CYB5R4: variants seen among roughly 807,000 people sequenced by gnomAD.
CYB5R4 encodes cytochrome b5 reductase 4.
In CYB5R4, 55 loss-of-function variants were observed where a neutral mutation model predicts 70.2. The ratio of observed to expected loss-of-function variants is 0.78; its 90% confidence interval spans 0.63 to 0.98. The LOEUF is 0.98. CYB5R4 is among the 50% of genes least tolerant of loss of function. The probability of loss-of-function intolerance (pLI) is 0.00; values close to 1 mark genes in which losing one functional copy is unlikely to be tolerated. For missense variants in CYB5R4, 562 were observed against 612.6 expected, an observed-to-expected ratio of 0.92 and a Z score of 0.87; for synonymous variants, 197 against 199.5, an observed-to-expected ratio of 0.99 and a Z score of 0.11.
intron 2 of CYB5R4, among the ~76,000 whole-genome samples, chr6:83,888,198 T>C (rs932655890): frequency 1.3e-5 from 2 of 152,152 alleles, no homozygotes; most frequent in Admixed American, 6.5e-5. Flanking sequence ...GGTTTCAAAA[T>C]TAGTTTCTAA....
chr6:83,931,789 T>TTATA (rs1256504810), intron 10 of CYB5R4, among the ~76,000 whole-genome samples: 2 of 119,928 alleles, frequency 1.7e-5, no homozygotes, highest in African/African-American at 7.9e-5. Flanking sequence ...TCTTTTTTGT[T>TTATA]TATATATATA....
chr6:83,887,749 C>T (rs971568925), intron 2 of CYB5R4, among the ~76,000 whole-genome samples: 6 of 72,402 alleles, frequency 8.3e-5, no homozygotes, highest in African/African-American at 3.2e-4. Context: ...ACAAAACACA[C>T]ACAAAAATAA....
At chr6:83,954,819 C>T (rs2099472080) in intron 14 of CYB5R4, among the ~76,000 whole-genome samples, 1 of 151,936 alleles carries the variant, frequency 6.6e-6, no homozygotes, top group African/African-American at 2.4e-5. Context: ...ATCAAACGAT[C>T]CTCCTGCCTC....
intron 2 of CYB5R4, among the ~76,000 whole-genome samples, chr6:83,885,451 T>C (rs566080075): frequency 1.3e-5 from 2 of 152,286 alleles, no homozygotes; most frequent in South Asian, 4.1e-4. Flanking sequence ...AATTATTAAT[T>C]AGTGGATGTG....
At chr6:83,873,678 A>G (rs552541648) in intron 2 of CYB5R4, among the ~76,000 whole-genome samples, 3 of 152,346 alleles carry the variant, frequency 2.0e-5, no homozygotes, top group Admixed American at 1.3e-4. Flanking sequence ...ATATTTCTCA[A>G]GGGTCTGCTA....
At chr6:83,884,994 C>T (rs996194741) in intron 2 of CYB5R4, among the ~76,000 whole-genome samples, 3 of 152,090 alleles carry the variant, frequency 2.0e-5, no homozygotes, top group Non-Finnish European at 4.4e-5. Context: ...AATATCTTTA[C>T]TCTTTTATTG....
intron 1 of CYB5R4, among the ~76,000 whole-genome samples, chr6:83,861,108 ATC>A (rs1485158488): frequency 6.6e-6 from 1 of 152,220 alleles, no homozygotes; most frequent in African/African-American, 2.4e-5. Context: ...TCCAGAAAGA[ATC>A]TCTGAATTAG....
chr6:83,899,144 T>C (rs544037414), intron 3 of CYB5R4, among the ~76,000 whole-genome samples: 6 of 152,332 alleles, frequency 3.9e-5, no homozygotes, highest in Non-Finnish European at 8.8e-5. Flanking sequence ...GTGGCATCAG[T>C]ACCTAATTTA....
At chr6:83,946,729 G>A (rs2099470676) in intron 14 of CYB5R4, among the ~76,000 whole-genome samples, 1 of 152,114 alleles carries the variant, frequency 6.6e-6, no homozygotes, top group South Asian at 2.1e-4. Context: ...AAAGTCTCAG[G>A]ATACAAAATC....
intron 11 of CYB5R4, 131 bp downstream of exon 11, chr6:83,934,866 T>A: frequency 2.5e-6 from 2 of 810,662 alleles, no homozygotes; most frequent in Non-Finnish European, 3.7e-6. Context: ...TTAGTGATAG[T>A]CAGAATGTAG....
intron 2 of CYB5R4, among the ~76,000 whole-genome samples, chr6:83,874,229 C>T (rs1352386359): frequency 7.0e-6 from 1 of 143,262 alleles, no homozygotes; most frequent in Non-Finnish European, 1.5e-5. Context: ...CTCATTCTGT[C>T]ACCCAGACTA....
intron 2 of CYB5R4, among the ~76,000 whole-genome samples, chr6:83,882,163 CTG>C (rs2099459552): frequency 1.3e-5 from 2 of 152,112 alleles, no homozygotes; most frequent in African/African-American, 4.8e-5. Flanking sequence ...AGGGATGTCA[CTG>C]TGTGAGTTTC....
chr6:83,864,130 A>T (rs766874921), intron 1 of CYB5R4, 45 bp from the exon 2 acceptor site: 1 of 1,479,986 alleles, frequency 6.8e-7, no homozygotes, highest in South Asian at 1.4e-5. Flanking sequence ...AAATGGAATT[A>T]AAAGTAATGA....
At chr6:83,956,756 A>G (rs9353160) in intron 15 of CYB5R4, among the ~76,000 whole-genome samples, 22,718 of 152,012 alleles carry the variant, frequency 0.15, 3,069 homozygotes, top group African/African-American at 0.34. Flanking sequence ...AAACATTTTT[A>G]TTTTCTTCCT....
In CYB5R4 at chr6:83,905,129, A is replaced by T. The variant is rs1386112460; in HGVS notation, c.331-3880A>T. 2.0e-5 allele frequency among the ~76,000 whole-genome samples: 3 copies of T among 152,140 alleles called. No homozygotes were observed. In the East Asian group the frequency reaches 5.8e-4, roughly 29 times the overall value. On this transcript the variant is annotated intron_variant, in intron 3 of 15. Coordinates refer to ENST00000369681, the MANE Select transcript of CYB5R4 (RefSeq NM_016230.4). ...GAGTGCAGCGGTGCAGCCTCAGCTC[A>T]CTGCAACCTCCGCGTCCCAGGTTCA...
Position 83,918,049 on chromosome 6 carries a change from G to C in CYB5R4, c.490G>C (p.Gly164Arg), listed in dbSNP as rs145537929. The change falls in exon 6 of 16, where the codon GGT (glycine) becomes CGT (arginine). Residue 164 changes from glycine (G) to arginine (R), a missense_variant. Transcript: ENST00000369681. The stretch of plus-strand genomic sequence containing the variant: ...AGTGACAGATACACTTGCCAAAGAA[G>C]GTCCTAGTTATCCAAGGTATGCATT... ...SQVTDTLAKE[G>R]PSYPSYDWFQ... is the part of the protein sequence containing the mutation. 1 of 1,610,248 alleles carries C rather than the reference G, an allele frequency of 6.2e-7. No individual in the cohort carries two copies. The highest frequency in any genetic ancestry group is 8.5e-7 in the Non-Finnish European group (1 of 1,177,194).
chr6:83,868,522 T>C (rs561458158), intron 2 of CYB5R4, among the ~76,000 whole-genome samples: 11 of 152,316 alleles, frequency 7.2e-5, no homozygotes, highest in African/African-American at 2.4e-4. Flanking sequence ...AATTTTTTCA[T>C]TTAATTTTCA....
At chr6:83,959,681 T>C (rs1328119564) in intron 15 of CYB5R4, 143 bp from the exon 16 acceptor site, 1 of 660,592 alleles carries the variant, frequency 1.5e-6, no homozygotes, top group African/African-American at 1.9e-5. Flanking sequence ...TTTTAAGAGG[T>C]GATAGTGTTT....
chr6:83,882,403 A>G (rs959719989), intron 2 of CYB5R4, among the ~76,000 whole-genome samples: 1 of 152,168 alleles, frequency 6.6e-6, no homozygotes, highest in Non-Finnish European at 1.5e-5. Context: ...AAGGCTGAAA[A>G]CGTTGAACAG....
Sources: gnomAD v4.1 joint callset for allele counts (sites outside exome capture counted in the v4.1 genomes callset) on GRCh38, gnomAD v4.1.1 for gene constraint, MANE v1.5 for transcripts, NCBI Gene and HGNC (gene_info 2026-07-23, HGNC 2026-07-21) for gene names.